Variants in ABCG8 observed in about 807,000 individuals in gnomAD.
The protein encoded by ABCG8 is ATP-binding cassette sub-family G member 8.
A neutral mutation model predicts 71.3 loss-of-function variants in ABCG8; 81 were observed. The observed-to-expected ratio is 1.14, with a 90% CI of 0.95 to 1.37. The LOEUF (loss-of-function observed/expected upper bound fraction) is 1.37, where lower values mean the gene tolerates loss of function less well. Ranked by LOEUF, ABCG8 falls within the 40% of genes most tolerant of loss-of-function variation. The pLI, the probability that ABCG8 is intolerant of heterozygous loss-of-function variation, is 0.00. For synonymous variants in ABCG8, 451 were observed against 354.7 expected (o/e 1.27, Z -3.05); for missense variants, 1,119 against 866.2 (o/e 1.29, Z -3.66).
intron 6 of ABCG8, among the ~76,000 whole-genome samples, chr2:43,864,064 G>T (rs999633295): frequency 4.0e-5 from 6 of 150,252 alleles, no homozygotes; most frequent in Non-Finnish European, 7.4e-5. Context: ...CTCACTATCT[G>T]TCTGGATAGA....
At chr2:43,850,662 A>G (rs544520869) in intron 3 of ABCG8, among the ~76,000 whole-genome samples, 50 of 152,286 alleles carry the variant, frequency 3.3e-4, no homozygotes, top group African/African-American at 1.2e-3. Context: ...AATACCACTG[A>G]TGCACTTTGG....
At chr2:43,861,050 C>G (rs987330710) in intron 6 of ABCG8, among the ~76,000 whole-genome samples, 3 of 151,394 alleles carry the variant, frequency 2.0e-5, no homozygotes, top group Non-Finnish European at 4.4e-5. Flanking sequence ...AGAATTCTCA[C>G]TCTCTGGATA....
At chr2:43,865,605 A>G (rs1669502171) in intron 6 of ABCG8, among the ~76,000 whole-genome samples, 1 of 151,760 alleles carries the variant, frequency 6.6e-6, no homozygotes, top group Non-Finnish European at 1.5e-5. Flanking sequence ...CCCTCTAGAT[A>G]GAACTCTCAC....
Position 43,852,426 on chromosome 2 carries a change from G to C in ABCG8, c.634G>C (p.Gly212Arg). 1.9e-6 allele frequency: 3 copies of C among 1,612,796 alleles called. No homozygotes were observed. Among genetic ancestry groups the C allele is most frequent in the Non-Finnish European group, 2.5e-6 (3 of 1,180,016 alleles). Residue 212 changes from glycine (G) to arginine (R), a missense_variant, in exon 5 of 13, where the codon GGG (glycine) becomes CGG (arginine). Transcript: ENST00000272286. ...CCGCGTGGGCAACATGTACGTGCGG[G>C]GGTTGTCGGGGGGTGAGCGCAGGAG... is the stretch of plus-strand genomic sequence containing the variant. ...DTRVGNMYVR[G>R]LSGGERRRVS... is the part of the protein sequence containing the mutation.
chr2:43,872,344 T>G (rs1572863672), intron 8 of ABCG8, 38 bp downstream of exon 8: 1 of 1,583,690 alleles, frequency 6.3e-7, no homozygotes, highest in East Asian at 2.3e-5. Flanking sequence ...CCCGCCCCCC[T>G]GCCCAAGTCT....
In ABCG8 at chr2:43,875,373, C is replaced by T. The variant is rs116046586; in HGVS notation, c.1716C>T (p.Leu572=). ...FSNALYNSFY[L]AGGFMINLSS... is the part of the protein sequence containing the mutation. Reference sequence around the variant, plus strand: ...ATGCCCTCTACAACTCCTTCTACCTCGCCGGGGGCTTCATGATAAACTTGA... The same window carrying T: ...ATGCCCTCTACAACTCCTTCTACCTTGCCGGGGGCTTCATGATAAACTTGA... The change falls in exon 11 of 13, where the codon CTC becomes CTT. Residue 572 remains leucine (L), a synonymous_variant. Coordinates refer to ENST00000272286, the MANE Select transcript of ABCG8 (RefSeq NM_022437.3). The T allele has an allele frequency of 6.4e-4, 1,039 of 1,614,126 alleles. 10 individuals are homozygous for T. The African/African-American group carries it at 0.013, about 20-fold the overall frequency.
In ABCG8 at chr2:43,877,594, G is replaced by C; in HGVS notation, c.1790G>C (p.Arg597Pro). Residue 597 changes from arginine (R) to proline (P), a missense_variant, in exon 12 of 13, where the codon CGG (arginine) becomes CCG (proline). Transcript: ENST00000272286. Reference protein sequence around the residue: ...PAWISKVSFLRWCFEGLMKIQ... With the variant: ...PAWISKVSFLPWCFEGLMKIQ... ...TGGATTTCCAAAGTGTCCTTCCTGCGGTGGTGTTTTGAAGGGCTGATGAAG... is the reference window on the plus strand; with the variant it reads ...TGGATTTCCAAAGTGTCCTTCCTGCCGTGGTGTTTTGAAGGGCTGATGAAG... The C allele has an allele frequency of 6.2e-7, 1 of 1,614,118 alleles. No individual in the cohort carries two copies. Among genetic ancestry groups the C allele is most frequent in the Admixed American group, 1.7e-5 (1 of 60,022 alleles).
chr2:43,839,265 C>G (rs1346776035), intron 1 of ABCG8, 149 bp downstream of exon 1: 32 of 887,542 alleles, frequency 3.6e-5, no homozygotes, highest in Non-Finnish European at 5.3e-6. Flanking sequence ...TCCTGCATGT[C>G]AAAGGGCGGA....
Position 43,879,369 on chromosome 2 carries a change from C to T in ABCG8, c.*1456C>T, listed in dbSNP as rs372150777. ...TAGGTTCACTAGAGTCTTGCTACTC[C>T]AAGTACGATCCCTGGGCCAGCAGAA... On this transcript the variant is annotated 3_prime_UTR_variant, in exon 13 of 13. Transcript: ENST00000272286. 4.6e-5 allele frequency: 7 copies of T among 152,268 alleles called. No homozygotes were observed. The highest frequency in any genetic ancestry group is 3.3e-4 in the Admixed American group (5 of 15,298). The allele number at this position is 152,268 out of a possible 1,614,324, so 9.4% of individuals were successfully genotyped here.
In ABCG8 at chr2:43,875,213, C is replaced by T. The variant is rs766298043; in HGVS notation, c.1556C>T (p.Ala519Val). ...IIYGMPTYWL[A>V]NLRPGLQPFL... ...TACGGGATGCCCACCTACTGGCTGG[C>T]CAACCTGAGGCCAGGCCTCCAGCCC... Residue 519 changes from alanine (A) to valine (V), a missense_variant, in exon 11 of 13, where the codon GCC becomes GTC. Coordinates refer to ENST00000272286, the MANE Select transcript of ABCG8 (RefSeq NM_022437.3). 1.2e-6 allele frequency: 2 copies of T among 1,614,064 alleles called. No homozygotes were observed. Among genetic ancestry groups the T allele is most frequent in the Non-Finnish European group, 1.7e-6 (2 of 1,180,040 alleles).
intron 1 of ABCG8, among the ~76,000 whole-genome samples, chr2:43,839,974 C>G (rs553789354): frequency 1.3e-4 from 20 of 152,302 alleles, no homozygotes; most frequent in Non-Finnish European, 2.9e-5. Flanking sequence ...TGTTTCCTTC[C>G]TCATTTTACC....
At position 43,875,409 on chromosome 2, in the gene ABCG8, G is replaced by C. The variant is rs754182905; in HGVS notation, c.1752G>C (p.Trp584Cys). 1.4e-5 allele frequency: 22 copies of C among 1,613,798 alleles called. No homozygotes were observed. In the Admixed American group the frequency reaches 1.8e-4, roughly 13 times the overall value. The change falls in exon 11 of 13, where the codon TGG becomes TGC. Residue 584 changes from tryptophan to cysteine, a missense_variant. Trp to Cys is a radical substitution (Grantham distance 215). Coordinates refer to ENST00000272286, the MANE Select transcript of ABCG8 (RefSeq NM_022437.3). ...TCATGATAAACTTGAGCAGCCTGTG[G>C]ACAGGTAAGGCCTGCCCCCGGGGCC... ...GGFMINLSSL[W>C]TVPAWISKVS...
At chr2:43,862,592 A>G (rs1477656431) in intron 6 of ABCG8, among the ~76,000 whole-genome samples, 1 of 140,578 alleles carries the variant, frequency 7.1e-6, no homozygotes, top group African/African-American at 2.6e-5. Context: ...AACTCTTACT[A>G]CCTGGAAACA....
intron 6 of ABCG8, among the ~76,000 whole-genome samples, chr2:43,858,422 C>A (rs1246810766): frequency 6.6e-6 from 1 of 151,482 alleles, no homozygotes; most frequent in Admixed American, 6.6e-5. Context: ...GGATAGAATT[C>A]TCTGTCTCTG....
In ABCG8 at chr2:43,882,632, A is replaced by C. The variant is rs1345017613; in HGVS notation, c.*4719A>C. Reference sequence around the variant, plus strand: ...CGTACTTGATAATGATTTGTTCTTCATTTAAAGTGGCCTGGGTACAGAGCA... The same window carrying C: ...CGTACTTGATAATGATTTGTTCTTCCTTTAAAGTGGCCTGGGTACAGAGCA... On this transcript the variant is annotated 3_prime_UTR_variant, in exon 13 of 13. Transcript: ENST00000272286. 6.6e-6 allele frequency: 1 copy of C among 152,222 alleles called. No homozygotes were observed. The highest frequency in any genetic ancestry group is 1.9e-4 in the East Asian group (1 of 5,190). The allele number at this position is 152,222 out of a possible 1,614,324, so 9.4% of individuals were successfully genotyped here.
chr2:43,873,443 C>T (rs1262418541), intron 8 of ABCG8, among the ~76,000 whole-genome samples: 1 of 152,174 alleles, frequency 6.6e-6, no homozygotes, highest in African/African-American at 2.4e-5. Context: ...CCACCTGCCT[C>T]AGCCTCCCAA....
chr2:43,868,461 G>C (rs1054706139), intron 6 of ABCG8, among the ~76,000 whole-genome samples: 3 of 151,764 alleles, frequency 2.0e-5, no homozygotes, highest in Admixed American at 2.0e-4. Context: ...TATCTATCTG[G>C]ATAGAATTCT....
In ABCG8 at chr2:43,875,216, A is replaced by G. The variant is rs778893832; in HGVS notation, c.1559A>G (p.Asn520Ser). The part of the protein sequence containing the change: ...IYGMPTYWLA[N>S]LRPGLQPFLL... ...GGGATGCCCACCTACTGGCTGGCCA[A>G]CCTGAGGCCAGGCCTCCAGCCCTTC... The change falls in exon 11 of 13, where the codon AAC (asparagine) becomes AGC (serine). Residue 520 changes from asparagine to serine, a missense_variant. Coordinates refer to ENST00000272286, the MANE Select transcript of ABCG8 (RefSeq NM_022437.3). 2 of 1,614,198 alleles carry G rather than the reference A, an allele frequency of 1.2e-6. No homozygotes were observed. Among genetic ancestry groups the G allele is most frequent in the South Asian group, 2.2e-5 (2 of 91,086 alleles).
chr2:43,859,353 C>T (rs1669224327), intron 6 of ABCG8, among the ~76,000 whole-genome samples: 1 of 151,366 alleles, frequency 6.6e-6, no homozygotes, highest in South Asian at 2.1e-4. Flanking sequence ...GGGATTCTAA[C>T]TATCTGTCTA....
Sources: allele counts gnomAD v4.1 joint callset (sites outside exome capture counted in the v4.1 genomes callset), GRCh38; gene constraint gnomAD v4.1.1; transcripts MANE v1.5; gene names NCBI Gene and HGNC (gene_info 2026-07-23, HGNC 2026-07-21).